The following ADGRL2 variants were observed in gnomAD, a reference collection of about 807,000 sequenced individuals.
ADGRL2 encodes adhesion G protein-coupled receptor L2.
Under a neutral mutation model 157.4 loss-of-function variants are expected in ADGRL2, and 44 were observed. The observed-to-expected ratio is 0.28, with a 90% CI of 0.22 to 0.36. ADGRL2 has a LOEUF of 0.36. ADGRL2 is among the 10% of genes least tolerant of loss of function. The probability of loss-of-function intolerance (pLI) is 1.00; values close to 1 mark genes in which losing one functional copy is unlikely to be tolerated. For missense variants in ADGRL2, 1,510 were observed against 1,768.9 expected (o/e 0.85, Z 2.63); for synonymous variants, 585 against 624.7 (o/e 0.94, Z 0.95).
At chr1:81,402,636 C>T (rs552328615) in intron 1 of ADGRL2, among the ~76,000 whole-genome samples, 36 of 152,324 alleles carry the variant, frequency 2.4e-4, no homozygotes, top group African/African-American at 8.4e-4. Context: ...TCCTCTGAAA[C>T]AAAATAACTC....
intron 1 of ADGRL2, among the ~76,000 whole-genome samples, chr1:81,405,523 A>G (rs547188491): frequency 7.9e-5 from 12 of 151,732 alleles, no homozygotes; most frequent in African/African-American, 2.9e-4. Flanking sequence ...GGTGTTGCCC[A>G]CCTGCAGTCT....
At chr1:81,860,326 A>G (rs2093350264) in intron 2 of ADGRL2, among the ~76,000 whole-genome samples, 2 of 152,120 alleles carry the variant, frequency 1.3e-5, no homozygotes, top group Admixed American at 1.3e-4. Context: ...AAGACCTTTT[A>G]TTTTTATTTT....
chr1:81,679,536 A>G lies in ADGRL2; in HGVS notation c.-142-82275A>G, dbSNP rs192968531. 2.3e-3 allele frequency among the ~76,000 whole-genome samples: 347 copies of G among 152,276 alleles called. 2 individuals are homozygous for G. Among genetic ancestry groups the G allele is most frequent in the African/African-American group, 7.9e-3 (328 of 41,564 alleles). On this transcript the variant is annotated intron_variant, in intron 3 of 24. Transcript: ENST00000370721. ...AATACCTCAAAGTGTTGAGCTGAGA[A>G]TTAAAAGCCAGGAAGCCTATACCTG...
chr1:81,971,021 A>G (rs1311199517), intron 16 of ADGRL2, among the ~76,000 whole-genome samples: 1 of 152,264 alleles, frequency 6.6e-6, no homozygotes, highest in Non-Finnish European at 1.5e-5. Context: ...AAAATAAGTC[A>G]CTGTCTTTCG....
At chr1:81,625,656 C>A (rs1283099697) in intron 3 of ADGRL2, 2 of 152,072 alleles carry the variant, frequency 1.3e-5, no homozygotes, top group Non-Finnish European at 2.9e-5. Flanking sequence ...CTGTCTTACC[C>A]CTTTAGAAGA....
chr1:81,514,909 T>C (rs935044572), intron 2 of ADGRL2: 3 of 152,208 alleles, frequency 2.0e-5, no homozygotes, highest in African/African-American at 7.2e-5. Context: ...AGTATACTTT[T>C]GATATTGACA....
chr1:81,726,156 G>C (rs2084521852), intron 1 of ADGRL2, among the ~76,000 whole-genome samples: 1 of 152,048 alleles, frequency 6.6e-6, no homozygotes, highest in Non-Finnish European at 1.5e-5. Context: ...TGTCCCTTGG[G>C]GAAACTGCAG....
chr1:81,306,732 A>C (rs1481839905), intron 1 of ADGRL2, among the ~76,000 whole-genome samples: 1 of 152,178 alleles, frequency 6.6e-6, no homozygotes, highest in African/African-American at 2.4e-5. Context: ...ACAATGCCAG[A>C]AAGATTAGAG....
chr1:81,306,827 A>G (rs75002518), intron 1 of ADGRL2, among the ~76,000 whole-genome samples: 6,185 of 152,248 alleles, frequency 0.041, 389 homozygotes, highest in African/African-American at 0.13. Flanking sequence ...GTTTTAACTT[A>G]TTATGTATGC....
rs111960954 is a variant in ADGRL2 at position 81,313,780 on chromosome 1, T to G, written c.-302+7271T>G. The stretch of plus-strand genomic sequence containing the variant: ...GAGGGTATTTCACAGCTTGTAGGAT[T>G]TTTCTGATTTCTTTGGAAACTATGT... On this transcript the variant is annotated intron_variant, in intron 1 of 24. Transcript: ENST00000370721. Among the ~76,000 whole-genome samples the G allele has an allele frequency of 2.5e-3, 378 of 152,278 alleles. 2 individuals are homozygous for G. The highest frequency in any genetic ancestry group is 8.6e-3 in the African/African-American group (358 of 41,552).
intron 2 of ADGRL2, among the ~76,000 whole-genome samples, chr1:81,851,316 A>G (rs2150514649): frequency 6.6e-6 from 1 of 152,016 alleles, no homozygotes; most frequent in East Asian, 1.9e-4. Context: ...CTTAAAATCC[A>G]TTGATGAACC....
chr1:81,867,600 C>G (rs58038317), intron 2 of ADGRL2, among the ~76,000 whole-genome samples: 1 of 152,152 alleles, frequency 6.6e-6, no homozygotes, highest in Non-Finnish European at 1.5e-5. Context: ...TAGGTTAATT[C>G]TTATCTACAA....
At position 81,342,292 on chromosome 1, in the gene ADGRL2, A is replaced by G. The variant is rs74643224; in HGVS notation, c.-302+35783A>G. Reference sequence around the variant, plus strand: ...GTTTTAGATCCTATATTGAGTCCATAGAAATTACAACAAATACTGAGGAAT... The same window carrying G: ...GTTTTAGATCCTATATTGAGTCCATGGAAATTACAACAAATACTGAGGAAT... On this transcript the variant is annotated intron_variant, in intron 1 of 24. Coordinates refer to the ADGRL2 transcript ENST00000370721. Among the ~76,000 whole-genome samples the G allele has an allele frequency of 8.7e-3, 1,321 of 152,346 alleles. 17 individuals are homozygous for G. The highest frequency in any genetic ancestry group is 0.03 in the African/African-American group (1,261 of 41,580).
chr1:81,987,161 T>TTA lies in ADGRL2; in HGVS notation c.3637+132_3637+133insTA. ...TCTTAATTTCTCAGTTAAAAAAAAT[T>TTA]ACGGTATTGTCTATGCCAGGCTTCT... On this transcript the variant is annotated intron_variant, in intron 22 of 23. Transcript: ENST00000686636. 18 of 1,334,320 alleles carry TTA rather than the reference T, an allele frequency of 1.3e-5. 1 individual carries two copies. The South Asian group carries it at 2.5e-4, about 19-fold the overall frequency. 82.7% of individuals were successfully genotyped at this position (1,334,320 alleles called of 1,614,324 possible).
At chr1:81,966,030 C>T (rs1309036417) in intron 11 of ADGRL2, 28 bp from the exon 12 acceptor site, 1 of 1,603,760 alleles carries the variant, frequency 6.2e-7, no homozygotes, top group East Asian at 2.2e-5. Flanking sequence ...CTTTTTTCCC[C>T]ACCTCCTTTA....
At chr1:81,677,141 A>G (rs2083012696) in intron 3 of ADGRL2, among the ~76,000 whole-genome samples, 1 of 151,712 alleles carries the variant, frequency 6.6e-6, no homozygotes, top group Non-Finnish European at 1.5e-5. Flanking sequence ...ATGCACCACC[A>G]CGCCTGGCTA....
At chr1:81,953,369 G>A (rs1241992303) in intron 10 of ADGRL2, among the ~76,000 whole-genome samples, 2 of 152,046 alleles carry the variant, frequency 1.3e-5, no homozygotes, top group Non-Finnish European at 2.9e-5. Context: ...ATTCTCGGCA[G>A]TTTATCATAT....
chr1:81,827,574 TG>T (rs1434996085), intron 1 of ADGRL2, among the ~76,000 whole-genome samples: 3 of 152,126 alleles, frequency 2.0e-5, no homozygotes, highest in African/African-American at 7.2e-5. Context: ...AAACACGAAT[TG>T]TTTTTTTTGA....
intron 2 of ADGRL2, among the ~76,000 whole-genome samples, chr1:81,488,492 G>A (rs1425065434): frequency 6.6e-6 from 1 of 150,842 alleles, no homozygotes; most frequent in Non-Finnish European, 1.5e-5. Context: ...TTGAGCTCAG[G>A]AGTTTTGAAA....
Sources: allele counts gnomAD v4.1 joint callset (sites outside exome capture counted in the v4.1 genomes callset), GRCh38; gene constraint gnomAD v4.1.1; transcripts MANE v1.5; gene names NCBI Gene and HGNC (gene_info 2026-07-23, HGNC 2026-07-21).